Variants in TMEM67 observed in about 807,000 individuals in gnomAD.
TMEM67 encodes transmembrane protein 67, also known as meckelin.
A neutral mutation model predicts 136.6 loss-of-function variants in TMEM67; 124 were observed. The observed-to-expected ratio is 0.91, with a 90% confidence interval of 0.78 to 1.05. The LOEUF (loss-of-function observed/expected upper bound fraction) is 1.05. TMEM67 is among the 50% of genes least tolerant of loss of function. The pLI, the probability that TMEM67 is intolerant of heterozygous loss-of-function variation, is 0.00. For synonymous variants in TMEM67, 364 were observed against 390.5 expected, an observed-to-expected ratio of 0.93 and a Z score of 0.80; for missense variants, 1,107 against 1,178.4, an observed-to-expected ratio of 0.94 and a Z score of 0.89.
At chr8:93,831,027 C>T in the TMEM67 span, among the ~76,000 whole-genome samples, 1 of 152,228 alleles carries the variant, frequency 6.6e-6, no homozygotes, top group African/African-American at 2.4e-5. Context: ...GAAGCCAGGT[C>T]CTTGAGACCC....
At chr8:93,820,087 G>A (rs1809019815), downstream of TMEM67, among the ~76,000 whole-genome samples, 1 of 152,088 alleles carries the variant, frequency 6.6e-6, no homozygotes, top group Admixed American at 6.5e-5. Flanking sequence ...ATCCCAAACT[G>A]TTGACCCCAC....
rs754319389 is a variant in TMEM67 at position 93,795,362 on chromosome 8, T to G, written c.1675-47T>G. The G allele has an allele frequency of 4.1e-6, 6 of 1,465,130 alleles. No individual in the cohort carries two copies. In the African/African-American group the frequency reaches 8.3e-5, roughly 20 times the overall value. 90.8% of individuals were successfully genotyped at this position (1,465,130 alleles called of 1,614,324 possible). On this transcript the variant is annotated intron_variant, in intron 16 of 27. Coordinates refer to ENST00000453321, the MANE Select transcript of TMEM67 (RefSeq NM_153704.6). ...AGTGGTAGTGTTACTAAAAGTGGTA[T>G]ATACATGGAGTCTTAAACAGCTGTA...
rs538161301 is a variant in TMEM67 at position 93,759,619 on chromosome 8, C to T, written c.406+1043C>T. On this transcript the variant is annotated intron_variant, in intron 3 of 27. Transcript: ENST00000453321. ...CAACAAAAAAGAAAAAATAAGTAGGCATATCCTTTTTTTTAATTTTAATTT... is the reference window on the plus strand; with the variant it reads ...CAACAAAAAAGAAAAAATAAGTAGGTATATCCTTTTTTTTAATTTTAATTT... 2.8e-4 allele frequency: 44 copies of T among 157,384 alleles called. 1 individual carries two copies. Among genetic ancestry groups the T allele is most frequent in the Admixed American group, 1.2e-3 (19 of 15,364 alleles). 9.7% of individuals were successfully genotyped at this position (157,384 alleles called of 1,614,324 possible). A position where few individuals can be genotyped will look rare whatever the true frequency, so the allele number is the denominator to read the frequency against.
chr8:93,808,946 C>CAA lies in TMEM67; in HGVS notation c.2547_2548insAA (p.Leu850AsnfsTer2). ...CAACATTATGACAGAATTCATGAGACACTAATAAGGGTTTGTATAAAGTAC... is the reference window on the plus strand; with the variant it reads ...CAACATTATGACAGAATTCATGAGACAAACTAATAAGGGTTTGTATAAAGTAC... On this transcript the variant is annotated frameshift_variant, in exon 24 of 28. Transcript: ENST00000453321. LOFTEE classifies it high-confidence loss of function. 1 of 1,595,950 alleles carries CAA rather than the reference C, an allele frequency of 6.3e-7. No individual in the cohort carries two copies. The highest frequency in any genetic ancestry group is 8.6e-7 in the Non-Finnish European group (1 of 1,163,842).
At chr8:93,787,035 G>A (rs1168791461) in intron 13 of TMEM67, among the ~76,000 whole-genome samples, 3 of 152,106 alleles carry the variant, frequency 2.0e-5, no homozygotes, top group Non-Finnish European at 2.9e-5. Flanking sequence ...AAATCCAAAT[G>A]TACTGTCTTT....
intron 6 of TMEM67, among the ~76,000 whole-genome samples, chr8:93,766,672 A>T (rs1194836679): frequency 6.6e-6 from 1 of 152,118 alleles, no homozygotes; most frequent in African/African-American, 2.4e-5. Context: ...TAATATCATT[A>T]TTGTTAATAT....
intron 14 of TMEM67, among the ~76,000 whole-genome samples, chr8:93,790,578 T>A (rs952626751): frequency 3.9e-5 from 6 of 152,158 alleles, no homozygotes; most frequent in African/African-American, 1.4e-4. Flanking sequence ...TGCTATTATA[T>A]CTCTTCTTCA....
intron 22 of TMEM67, 91 bp downstream of exon 22, chr8:93,803,775 A>G: frequency 1.2e-6 from 1 of 826,568 alleles, no homozygotes; most frequent in Non-Finnish European, 2.1e-6. Flanking sequence ...GTGATTTGGT[A>G]TGATTGAATT....
chr8:93,778,571 C>G, intron 7 of TMEM67, among the ~76,000 whole-genome samples: 2 of 152,114 alleles, frequency 1.3e-5, no homozygotes, highest in East Asian at 3.8e-4. Flanking sequence ...ATCTCTCAAC[C>G]TTTGCTTGTC....
At chr8:93,780,476 G>C in intron 7 of TMEM67, 117 bp from the exon 8 acceptor site, 1 of 1,050,924 alleles carries the variant, frequency 9.5e-7, no homozygotes, top group East Asian at 2.4e-5. Context: ...CTGCAGACCG[G>C]AGCTGTTCCT....
downstream of TMEM67, among the ~76,000 whole-genome samples, chr8:93,820,349 G>A (rs1204267238): frequency 6.6e-6 from 1 of 152,196 alleles, no homozygotes; most frequent in Non-Finnish European, 1.5e-5. Context: ...AGGAAAACAG[G>A]AGTCACATCA....
Position 93,760,237 on chromosome 8 carries a change from C to CT in TMEM67, c.406+1662dup, listed in dbSNP as rs552441250. 1.6e-3 allele frequency among the ~76,000 whole-genome samples: 248 copies of CT among 152,258 alleles called. 1 individual carries two copies. Among genetic ancestry groups the CT allele is most frequent in the African/African-American group, 5.7e-3 (236 of 41,552 alleles). On this transcript the variant is annotated intron_variant, in intron 3 of 27. Transcript: ENST00000453321. ...AAATTCTGGGAAGGGAAAGAAGGAA[C>CT]TACCCCATCAGATAATATGCATGTT...
chr8:93,761,367 T>C (rs1812823118), intron 3 of TMEM67, among the ~76,000 whole-genome samples: 1 of 152,240 alleles, frequency 6.6e-6, no homozygotes, highest in African/African-American at 2.4e-5. Context: ...TAGTTATTCG[T>C]GTATTAATGG....
Position 93,754,959 on chromosome 8 carries a change from C to G in TMEM67, c.45C>G (p.Ser15=). ...CTGGGGTGGCAATGGCGGTTTGGTC[C>G]CTCTTATCCGCCCGGGCCGTGACCG... ...GGAGVAMAVW[S]LLSARAVTAF... The change falls in exon 1 of 28, where the codon TCC becomes TCG. Residue 15 remains serine (S), a synonymous_variant. Transcript: ENST00000453321. 1 of 1,614,132 alleles carries G rather than the reference C, an allele frequency of 6.2e-7. No individual in the cohort carries two copies. Among genetic ancestry groups the G allele is most frequent in the Non-Finnish European group, 8.5e-7 (1 of 1,180,032 alleles).
intron 7 of TMEM67, among the ~76,000 whole-genome samples, chr8:93,773,066 G>T (rs73694943): frequency 0.018 from 2,784 of 152,210 alleles, 87 homozygotes; most frequent in African/African-American, 0.061. Context: ...TACATAGATG[G>T]GGTGGGGGGT....
At chr8:93,797,974 CT>C (rs1323910470) in intron 20 of TMEM67, among the ~76,000 whole-genome samples, 1 of 152,170 alleles carries the variant, frequency 6.6e-6, no homozygotes, top group Non-Finnish European at 1.5e-5. Flanking sequence ...AAGAGCAAAA[CT>C]CCATCTCAGA....
At chr8:93,830,471 G>A in the TMEM67 span, among the ~76,000 whole-genome samples, 5 of 152,184 alleles carry the variant, frequency 3.3e-5, no homozygotes, top group Non-Finnish European at 7.3e-5. Flanking sequence ...ACTGGTATCT[G>A]GGAGCGGGGG....
intron 3 of TMEM67, chr8:93,762,887 G>T: frequency 2.6e-6 from 1 of 390,970 alleles, no homozygotes; most frequent in Non-Finnish European, 5.0e-6. Context: ...TTCAGTTAAC[G>T]GTATGCTCTG....
At chr8:93,819,936 C>T (rs1309539456), downstream of TMEM67, among the ~76,000 whole-genome samples, 2 of 152,170 alleles carry the variant, frequency 1.3e-5, no homozygotes, top group Admixed American at 1.3e-4. Context: ...AAACTATAGA[C>T]CTGAGCCACA....
Sources: allele counts gnomAD v4.1 joint callset (sites outside exome capture counted in the v4.1 genomes callset), GRCh38; gene constraint gnomAD v4.1.1; transcripts MANE v1.5; gene names NCBI Gene and HGNC (gene_info 2026-07-23, HGNC 2026-07-21).